Variants in PTPRE observed in about 807,000 individuals in gnomAD.
The protein encoded by PTPRE is receptor-type tyrosine-protein phosphatase epsilon.
A neutral mutation model predicts 102.0 loss-of-function variants in PTPRE; 51 were observed. The ratio of observed to expected loss-of-function variants is 0.50; its 90% CI spans 0.40 to 0.63. The LOEUF (loss-of-function observed/expected upper bound fraction) is 0.63. PTPRE is among the 30% of genes least tolerant of loss of function. The pLI is 0.00. For missense variants in PTPRE, 752 were observed against 915.1 expected (o/e 0.82, Z 2.30); for synonymous variants, 345 against 348.2 (o/e 0.99, Z 0.10).
At position 127,926,111 on chromosome 10, in the gene PTPRE, G is replaced by C. The variant is rs556736829; in HGVS notation, c.-31+18802G>C. ...TCTTAACTATTTCTTTCAAGATTAG[G>C]AGTCTATTGTGTTTTCTCAAGGCAG... is the stretch of plus-strand genomic sequence containing the variant. On this transcript the variant is annotated intron_variant, in intron 1 of 20. Coordinates refer to ENST00000254667, the MANE Select transcript of PTPRE (RefSeq NM_006504.6). 7.2e-5 allele frequency among the ~76,000 whole-genome samples: 11 copies of C among 152,276 alleles called. No homozygotes were observed. The East Asian group carries it at 2.1e-3, about 29-fold the overall frequency.
chr10:127,991,516 A>G (rs1321108532), intron 2 of PTPRE, among the ~76,000 whole-genome samples: 6 of 152,238 alleles, frequency 3.9e-5, no homozygotes, highest in African/African-American at 1.4e-4. Flanking sequence ...CACGGCAAGC[A>G]TGACGCCATC....
chr10:127,992,415 G>A (rs1377181302), intron 2 of PTPRE, among the ~76,000 whole-genome samples: 1 of 152,174 alleles, frequency 6.6e-6, no homozygotes, highest in East Asian at 1.9e-4. Flanking sequence ...GTTCTCGCAC[G>A]AAATTCATAG....
chr10:127,933,199 GA>G (rs529527314), intron 1 of PTPRE, among the ~76,000 whole-genome samples: 11 of 152,094 alleles, frequency 7.2e-5, no homozygotes, highest in East Asian at 1.9e-4. Context: ...CTGTTTGATG[GA>G]AAAAAACAGG....
intron 2 of PTPRE, among the ~76,000 whole-genome samples, chr10:128,010,920 A>G (rs780149815): frequency 6.6e-6 from 1 of 152,120 alleles, no homozygotes; most frequent in Non-Finnish European, 1.5e-5. Flanking sequence ...ACAGCTGGTA[A>G]CCCATCCATT....
intron 7 of PTPRE, among the ~76,000 whole-genome samples, chr10:128,059,384 C>T (rs1229181130): frequency 1.3e-5 from 2 of 152,172 alleles, no homozygotes; most frequent in Non-Finnish European, 2.9e-5. Context: ...GCTGGCTCAA[C>T]CATCGGAGGT....
At chr10:128,048,484 G>A (rs1035186087) in intron 5 of PTPRE, among the ~76,000 whole-genome samples, 1 of 152,146 alleles carries the variant, frequency 6.6e-6, no homozygotes, top group Non-Finnish European at 1.5e-5. Flanking sequence ...TCTATGGTTT[G>A]GGGGAACACA....
chr10:127,952,745 C>A (rs964063458), intron 1 of PTPRE, among the ~76,000 whole-genome samples: 3 of 152,194 alleles, frequency 2.0e-5, no homozygotes, highest in Non-Finnish European at 4.4e-5. Context: ...GCAAGACTGT[C>A]ATTAAAAGTC....
Position 128,065,375 on chromosome 10 carries a change from C to G in PTPRE, c.724-700C>G, listed in dbSNP as rs374546672. 9.2e-5 allele frequency among the ~76,000 whole-genome samples: 14 copies of G among 152,246 alleles called. No individual in the cohort carries two copies. In the East Asian group the frequency reaches 2.5e-3, roughly 27 times the overall value. Reference sequence around the variant, plus strand: ...CCCTTGAGGTGGGTCCTCATTCACTCGCGAAGTGATGGAGGACACCACCGG... The same window carrying G: ...CCCTTGAGGTGGGTCCTCATTCACTGGCGAAGTGATGGAGGACACCACCGG... On this transcript the variant is annotated intron_variant, in intron 10 of 20. Transcript: ENST00000254667.
At chr10:128,054,213 A>G (rs1192987636) in intron 6 of PTPRE, among the ~76,000 whole-genome samples, 2 of 152,104 alleles carry the variant, frequency 1.3e-5, no homozygotes, top group East Asian at 1.9e-4. Flanking sequence ...AACTGCTGCA[A>G]TTGATGAACC....
chr10:128,062,968 GC>G, intron 9 of PTPRE, 114 bp from the exon 10 acceptor site: 1 of 1,504,756 alleles, frequency 6.6e-7, no homozygotes, highest in East Asian at 2.4e-5. Context: ...TCCCCAACAA[GC>G]CTGAGAAGGG....
intron 1 of PTPRE, among the ~76,000 whole-genome samples, chr10:127,980,434 A>G (rs1338167120): frequency 6.6e-6 from 1 of 151,298 alleles, no homozygotes; most frequent in African/African-American, 2.4e-5. Context: ...GATTTTCTAC[A>G]TAGACTATTA....
chr10:127,922,561 G>A (rs754864711), intron 1 of PTPRE, among the ~76,000 whole-genome samples: 1 of 152,238 alleles, frequency 6.6e-6, no homozygotes, highest in Non-Finnish European at 1.5e-5. Flanking sequence ...TTAGGGGCCT[G>A]TCATCCAAGT....
At chr10:127,973,290 T>C (rs888744266) in intron 1 of PTPRE, among the ~76,000 whole-genome samples, 1 of 152,178 alleles carries the variant, frequency 6.6e-6, no homozygotes, top group Admixed American at 6.5e-5. Flanking sequence ...AGCACAGTGA[T>C]TTGTGAATTC....
chr10:128,066,318 C>T, intron 11 of PTPRE, 124 bp downstream of exon 11: 1 of 1,472,510 alleles, frequency 6.8e-7, no homozygotes, highest in East Asian at 2.3e-5. Flanking sequence ...GCAGCCCTGG[C>T]TGAGAGGGTG....
chr10:127,946,889 G>A (rs1848660695), intron 1 of PTPRE, among the ~76,000 whole-genome samples: 1 of 152,070 alleles, frequency 6.6e-6, no homozygotes, highest in African/African-American at 2.4e-5. Context: ...AAAGCCAGAT[G>A]TGATGGCTTG....
intron 2 of PTPRE, among the ~76,000 whole-genome samples, chr10:128,025,660 T>C (rs1846238600): frequency 6.6e-6 from 1 of 152,046 alleles, no homozygotes; most frequent in Non-Finnish European, 1.5e-5. Flanking sequence ...CCCCAGGAAC[T>C]CCCCAAACCC....
intron 1 of PTPRE, among the ~76,000 whole-genome samples, chr10:127,978,850 A>G (rs539730941): frequency 2.0e-5 from 3 of 152,160 alleles, no homozygotes; most frequent in Admixed American, 2.0e-4. Flanking sequence ...GTGAAACTCC[A>G]TCTTTACTAA....
At chr10:128,071,951 C>A (rs956955399) in intron 15 of PTPRE, 187 bp from the exon 16 acceptor site, 7 of 540,490 alleles carry the variant, frequency 1.3e-5, no homozygotes, top group African/African-American at 1.1e-4. Flanking sequence ...CAGAGTTTTC[C>A]TTCAAAAAGA....
intron 1 of PTPRE, among the ~76,000 whole-genome samples, chr10:127,927,318 T>A (rs554657960): frequency 6.6e-6 from 1 of 152,248 alleles, no homozygotes; most frequent in African/African-American, 2.4e-5. Flanking sequence ...CATTGGCTGA[T>A]GCCAGATGAA....
Sources: gnomAD v4.1 joint callset for allele counts (sites outside exome capture counted in the v4.1 genomes callset) on GRCh38, gnomAD v4.1.1 for gene constraint, MANE v1.5 for transcripts, NCBI Gene and HGNC (gene_info 2026-07-23, HGNC 2026-07-21) for gene names.